RARB: variants seen among roughly 807,000 people sequenced by gnomAD.
The protein encoded by RARB is HBV-activated protein.
Under a neutral mutation model 51.9 loss-of-function variants are expected in RARB, and 17 were observed. That is an observed-to-expected ratio of 0.33 (90% confidence interval 0.22 to 0.49). The LOEUF (loss-of-function observed/expected upper bound fraction) is 0.49. Among genes scored for constraint, RARB ranks in the 20% least tolerant of loss-of-function variants. The pLI is 0.99. For missense variants in RARB, 369 were observed against 550.8 expected, an observed-to-expected ratio of 0.67 and a Z score of 3.30; for synonymous variants, 215 against 195.4, an observed-to-expected ratio of 1.10 and a Z score of -0.84.
chr3:25,255,933 T>G (rs1702854411), intron 5 of RARB, among the ~76,000 whole-genome samples: 1 of 152,190 alleles, frequency 6.6e-6, no homozygotes, highest in Non-Finnish European at 1.5e-5. Flanking sequence ...TCCCACAGGT[T>G]TACTGATTTT....
intron 5 of RARB, among the ~76,000 whole-genome samples, chr3:25,316,604 C>G (rs987996551): frequency 2.0e-5 from 3 of 152,104 alleles, no homozygotes; most frequent in African/African-American, 7.2e-5. Context: ...ATTTGGTGTT[C>G]TCATTGTCAT....
chr3:25,333,768 A>G (rs970799843), intron 5 of RARB, among the ~76,000 whole-genome samples: 2 of 152,256 alleles, frequency 1.3e-5, no homozygotes, highest in African/African-American at 4.8e-5. Context: ...AAATTTTTAC[A>G]TTCTACCCAT....
chr3:24,912,575 AT>A (rs1695013071), intron 2 of RARB, among the ~76,000 whole-genome samples: 1 of 152,140 alleles, frequency 6.6e-6, no homozygotes, highest in Non-Finnish European at 1.5e-5. Flanking sequence ...AACATAGCCA[AT>A]CTTTTAATAA....
chr3:25,435,768 A>C (rs1382580095), intron 1 of RARB, among the ~76,000 whole-genome samples: 1 of 152,218 alleles, frequency 6.6e-6, no homozygotes, highest in African/African-American at 2.4e-5. Context: ...ACAACAAATA[A>C]TTGATGAAAA....
intron 2 of RARB, among the ~76,000 whole-genome samples, chr3:25,463,258 A>G (rs1695274383): frequency 6.6e-6 from 1 of 152,148 alleles, no homozygotes; most frequent in Non-Finnish European, 1.5e-5. Flanking sequence ...CATTTTTGTA[A>G]TTAGACCACT....
chr3:25,037,762 C>G (rs1354262111), intron 2 of RARB, among the ~76,000 whole-genome samples: 1 of 152,058 alleles, frequency 6.6e-6, no homozygotes, highest in Non-Finnish European at 1.5e-5. Flanking sequence ...GAGCAAATTC[C>G]CTACACATTG....
At position 25,058,714 on chromosome 3, in the gene RARB, A is replaced by G. The variant is rs533111574; in HGVS notation, c.-379-1411A>G. Among the ~76,000 whole-genome samples, 38 of 151,916 alleles carry G rather than the reference A, an allele frequency of 2.5e-4. 1 individual carries two copies. The South Asian group carries it at 7.7e-3, about 31-fold the overall frequency. ...ACTAATTTAATTTTCTCCTATAAAA[A>G]CAAAAACCAACCAATTGATTATGCA... On this transcript the variant is annotated intron_variant, in intron 2 of 11. Transcript: ENST00000383772.
At chr3:25,285,327 C>T (rs930740945) in intron 5 of RARB, among the ~76,000 whole-genome samples, 1 of 152,054 alleles carries the variant, frequency 6.6e-6, no homozygotes, top group African/African-American at 2.4e-5. Context: ...GTAGTGTATT[C>T]AAAGGCCCTT....
upstream of RARB, among the ~76,000 whole-genome samples, chr3:25,426,201 C>A (rs1300254038): frequency 6.6e-6 from 1 of 152,180 alleles, no homozygotes; most frequent in Non-Finnish European, 1.5e-5. Context: ...TTTGTAAATT[C>A]CTCTGTGTTC....
upstream of RARB, among the ~76,000 whole-genome samples, chr3:25,425,896 G>A (rs904099653): frequency 1.3e-5 from 2 of 152,164 alleles, no homozygotes; most frequent in African/African-American, 2.4e-5. Flanking sequence ...ATGTGCAGCA[G>A]CCTCCCCTGG....
intron 1 of RARB, among the ~76,000 whole-genome samples, chr3:24,842,994 A>G (rs1702438637): frequency 6.6e-6 from 1 of 152,178 alleles, no homozygotes; most frequent in Non-Finnish European, 1.5e-5. Context: ...TATTATCATT[A>G]TTATTTCCTT....
At chr3:25,094,630 T>A (rs535596120) in intron 3 of RARB, among the ~76,000 whole-genome samples, 1 of 137,152 alleles carries the variant, frequency 7.3e-6, no homozygotes, top group African/African-American at 2.7e-5. Flanking sequence ...AGGGAGAGGA[T>A]GGCTTGAGCC....
At chr3:25,593,134 G>A (rs1701676334) in intron 5 of RARB, among the ~76,000 whole-genome samples, 1 of 151,462 alleles carries the variant, frequency 6.6e-6, no homozygotes, top group South Asian at 2.1e-4. Context: ...ATTGCAGACT[G>A]TAAGCTCTTA....
At chr3:24,956,130 A>G (rs1453487279) in intron 2 of RARB, among the ~76,000 whole-genome samples, 1 of 152,106 alleles carries the variant, frequency 6.6e-6, no homozygotes, top group Non-Finnish European at 1.5e-5. Flanking sequence ...CTCATTTCTG[A>G]GCCTTTCCAT....
intron 4 of RARB, among the ~76,000 whole-genome samples, chr3:25,138,274 A>T (rs1226175477): frequency 1.3e-5 from 2 of 152,054 alleles, no homozygotes; most frequent in Non-Finnish European, 2.9e-5. Flanking sequence ...ATGACCAGTT[A>T]GCTGTTTATA....
chr3:24,887,983 CA>C, intron 2 of RARB, among the ~76,000 whole-genome samples: 1 of 152,216 alleles, frequency 6.6e-6, no homozygotes, highest in South Asian at 2.1e-4. Context: ...GCTGGTCTAT[CA>C]GCAACATGTG....
chr3:25,587,622 G>A (rs752280415), intron 5 of RARB, among the ~76,000 whole-genome samples: 3 of 152,110 alleles, frequency 2.0e-5, no homozygotes, highest in Non-Finnish European at 4.4e-5. Flanking sequence ...TTTTCTCCTC[G>A]GTTAAGGCAG....
At chr3:25,404,532 G>C (rs1236157643) in intron 5 of RARB, among the ~76,000 whole-genome samples, 1 of 152,118 alleles carries the variant, frequency 6.6e-6, no homozygotes, top group South Asian at 2.1e-4. Flanking sequence ...GGGTAGAGAA[G>C]GTAAGCATAA....
chr3:25,566,795 A>T (rs567373403), intron 3 of RARB, among the ~76,000 whole-genome samples: 28 of 152,196 alleles, frequency 1.8e-4, no homozygotes, highest in Non-Finnish European at 3.5e-4. Flanking sequence ...GGATGGGATT[A>T]TGGGGACTCC....
Sources: allele counts gnomAD v4.1 joint callset (sites outside exome capture counted in the v4.1 genomes callset), GRCh38; gene constraint gnomAD v4.1.1; transcripts MANE v1.5; gene names NCBI Gene and HGNC (gene_info 2026-07-23, HGNC 2026-07-21).